PCLO: variants seen among roughly 807,000 people sequenced by gnomAD.
The protein encoded by PCLO is piccolo presynaptic cytomatrix protein.
PCLO carries 82 observed loss-of-function variants against 427.5 expected under a neutral mutation model. The ratio of observed to expected loss-of-function variants is 0.19; its 90% confidence interval spans 0.16 to 0.23. PCLO has a LOEUF of 0.23. Ranked by LOEUF, PCLO falls within the 10% of genes least tolerant of loss-of-function variation. PCLO has a pLI of 1.00. For synonymous variants in PCLO, 2,357 were observed against 2,155.4 expected, an observed-to-expected ratio of 1.09 and a Z score of -2.59; for missense variants, 6,239 against 6,115.9, an observed-to-expected ratio of 1.02 and a Z score of -0.67.
intron 3 of PCLO, among the ~76,000 whole-genome samples, chr7:83,132,723 A>T (rs910415793): frequency 6.6e-6 from 1 of 152,082 alleles, no homozygotes; most frequent in Non-Finnish European, 1.5e-5. Flanking sequence ...AAATGCAAAA[A>T]GTATAGTTTT....
At chr7:83,058,739 C>G (rs10245029) in intron 3 of PCLO, among the ~76,000 whole-genome samples, 3,699 of 152,054 alleles carry the variant, frequency 0.024, 155 homozygotes, top group African/African-American at 0.085. Context: ...AAGTTCATAA[C>G]GTCGGTGTGT....
chr7:83,032,124 C>G (rs1788683578), intron 3 of PCLO, among the ~76,000 whole-genome samples: 1 of 152,096 alleles, frequency 6.6e-6, no homozygotes, highest in African/African-American at 2.4e-5. Flanking sequence ...AACTTCTCAG[C>G]CCATGTCCCT....
chr7:82,869,588 T>C (rs1427430592), intron 10 of PCLO, among the ~76,000 whole-genome samples: 2 of 152,014 alleles, frequency 1.3e-5, no homozygotes, highest in East Asian at 1.9e-4. Context: ...CAGGATTTAA[T>C]ATAAAGATGT....
At chr7:83,019,309 C>T (rs1309827194) in intron 3 of PCLO, among the ~76,000 whole-genome samples, 1 of 151,806 alleles carries the variant, frequency 6.6e-6, no homozygotes, top group Non-Finnish European at 1.5e-5. Context: ...GGAAGAAGAA[C>T]AGAAATAAGA....
In PCLO at chr7:82,761,500, G is replaced by T; in HGVS notation, c.15008-7C>A. On this transcript the variant is annotated splice_polypyrimidine_tract_variant and splice_region_variant and intron_variant, in intron 22 of 24. Transcript: ENST00000333891. The stretch of plus-strand genomic sequence containing the variant: ...CCCATTACCTGAGTTTTAGCTGGGA[G>T]AATTTAATAAAAATGCAAAGAAGTA... 2 of 1,586,406 alleles carry T rather than the reference G, an allele frequency of 1.3e-6. No homozygotes were observed. Among genetic ancestry groups the T allele is most frequent in the Non-Finnish European group, 8.6e-7 (1 of 1,165,550 alleles).
At chr7:82,761,071 C>A (rs1316075323) in intron 23 of PCLO, among the ~76,000 whole-genome samples, 2 of 141,088 alleles carry the variant, frequency 1.4e-5, no homozygotes, top group African/African-American at 5.2e-5. Flanking sequence ...CTTCAGTCTT[C>A]TACATAGAGG....
chr7:83,134,168 T>G (rs1791645831), intron 3 of PCLO, 82 bp downstream of exon 3: 2 of 398,952 alleles, frequency 5.0e-6, no homozygotes, highest in Non-Finnish European at 8.1e-6. Flanking sequence ...GCTCAGATAT[T>G]TGGCCACCCA....
chr7:83,093,618 G>C (rs780178248), intron 3 of PCLO, among the ~76,000 whole-genome samples: 3 of 146,122 alleles, frequency 2.1e-5, no homozygotes, highest in Non-Finnish European at 4.5e-5. Flanking sequence ...TCAGCCTCCC[G>C]AGTAGCTGGG....
intron 3 of PCLO, among the ~76,000 whole-genome samples, chr7:83,058,210 A>C (rs1371218631): frequency 6.6e-6 from 1 of 152,238 alleles, no homozygotes; most frequent in East Asian, 1.9e-4. Flanking sequence ...GTTTGAAATC[A>C]GGACAGTTTG....
intron 20 of PCLO, chr7:82,820,793 A>G: frequency 1.6e-6 from 2 of 1,231,186 alleles, no homozygotes; most frequent in Non-Finnish European, 2.0e-6. Context: ...ACAATGAAAC[A>G]TATTTATAGT....
At chr7:82,777,381 T>C (rs1170415127) in intron 22 of PCLO, among the ~76,000 whole-genome samples, 1 of 152,068 alleles carries the variant, frequency 6.6e-6, no homozygotes, top group Non-Finnish European at 1.5e-5. Flanking sequence ...AATGATATTC[T>C]TCAGAGAACT....
At position 82,952,798 on chromosome 7, in the gene PCLO, C is replaced by T. The variant is rs763543147; in HGVS notation, c.8155G>A (p.Gly2719Arg). ...HLEKPQYKED[G>R]KLQLVGDVID... ...ACATCACCAACAAGTTGCAATTTTC[C>T]ATCTTCTTTATACTGAGGCTTCTCT... Residue 2719 changes from glycine (G) to arginine (R), a missense_variant, in exon 5 of 25, where the codon GGA becomes AGA. By Grantham distance (125) the Gly-to-Arg change is moderately radical. Around this residue, in one of 5 missense-constraint regions of PCLO, gnomAD observed 4,677 missense variants for 4,468.4 expected, o/e 1.05. Coordinates refer to ENST00000333891, the MANE Select transcript of PCLO (RefSeq NM_033026.6). The T allele has an allele frequency of 6.2e-7, 1 of 1,613,616 alleles. No individual in the cohort carries two copies. The highest frequency in any genetic ancestry group is 1.1e-5 in the South Asian group (1 of 91,058).
intron 16 of PCLO, among the ~76,000 whole-genome samples, chr7:82,834,077 T>C (rs976777135): frequency 7.9e-5 from 12 of 152,116 alleles, no homozygotes; most frequent in African/African-American, 2.9e-4. Flanking sequence ...AGATGAAAGA[T>C]ATAAGAAAGT....
chr7:82,835,807 G>A (rs2115743566), intron 15 of PCLO, 114 bp from the exon 16 acceptor site: 1 of 771,304 alleles, frequency 1.3e-6, no homozygotes, highest in East Asian at 2.7e-5. Context: ...ATAACTAGAG[G>A]AGCTATCCCA....
At chr7:83,021,708 T>G (rs1461720292) in intron 3 of PCLO, among the ~76,000 whole-genome samples, 1 of 152,158 alleles carries the variant, frequency 6.6e-6, no homozygotes, top group Non-Finnish European at 1.5e-5. Context: ...AAAACAATAT[T>G]GTGATTAAGA....
chr7:82,978,928 T>C (rs1796087349), intron 3 of PCLO, among the ~76,000 whole-genome samples: 1 of 148,896 alleles, frequency 6.7e-6, no homozygotes, highest in African/African-American at 2.5e-5. Flanking sequence ...TGGTCTAGGA[T>C]AATAGAAACA....
intron 3 of PCLO, among the ~76,000 whole-genome samples, chr7:83,124,385 T>C (rs1279467656): frequency 6.8e-6 from 1 of 148,010 alleles, no homozygotes; most frequent in African/African-American, 2.5e-5. Flanking sequence ...AAAGTAAACA[T>C]ACAAATGTCC....
chr7:83,124,702 T>A (rs1336995947), intron 3 of PCLO, among the ~76,000 whole-genome samples: 1 of 152,072 alleles, frequency 6.6e-6, no homozygotes, highest in African/African-American at 2.4e-5. Context: ...ATAAAAGACA[T>A]ATATGCTCTC....
chr7:82,917,310 T>C (rs537822387), intron 6 of PCLO, among the ~76,000 whole-genome samples: 1 of 152,222 alleles, frequency 6.6e-6, no homozygotes, highest in South Asian at 2.1e-4. Flanking sequence ...AATTATCTAA[T>C]GTCTTTTTTT....
Sources: allele counts gnomAD v4.1 joint callset (sites outside exome capture counted in the v4.1 genomes callset), GRCh38; gene constraint gnomAD v4.1.1; regional missense constraint gnomAD v4.1.1; transcripts MANE v1.5; gene names NCBI Gene and HGNC (gene_info 2026-07-23, HGNC 2026-07-21).